WASF1: variants seen among roughly 807,000 people sequenced by gnomAD.
WASF1 encodes WASP family member 1, also known as actin-binding protein WASF1.
In WASF1, 7 loss-of-function variants were observed where a neutral mutation model predicts 50.5. The observed-to-expected ratio is 0.14, with a 90% CI of 0.08 to 0.26. The LOEUF (loss-of-function observed/expected upper bound fraction) is 0.26. WASF1 is among the 10% of genes least tolerant of loss of function. The probability of loss-of-function intolerance (pLI) is 1.00; values close to 1 mark genes in which losing one functional copy is unlikely to be tolerated. For missense variants in WASF1, 470 were observed against 694.7 expected (o/e 0.68, Z 3.64); for synonymous variants, 205 against 244.0 (o/e 0.84, Z 1.49).
intron 6 of WASF1, among the ~76,000 whole-genome samples, chr6:110,107,641 A>G (rs1442709304): frequency 2.0e-5 from 3 of 152,166 alleles, no homozygotes; most frequent in African/African-American, 7.2e-5. Context: ...TAGTCATTCT[A>G]ACAGTCACAT....
chr6:110,161,648 T>G (rs1348083617), intron 2 of WASF1, among the ~76,000 whole-genome samples: 1 of 151,590 alleles, frequency 6.6e-6, no homozygotes, highest in East Asian at 1.9e-4. Flanking sequence ...TTTAAAAAAC[T>G]AAATAGGAAT....
intron 2 of WASF1, among the ~76,000 whole-genome samples, chr6:110,163,414 G>A (rs930992044): frequency 7.9e-5 from 12 of 151,494 alleles, no homozygotes; most frequent in Admixed American, 1.3e-4. Flanking sequence ...GTTCCAGGCT[G>A]TAGACTTCTT....
intron 3 of WASF1, among the ~76,000 whole-genome samples, chr6:110,130,889 G>A (rs905021632): frequency 2.6e-5 from 4 of 152,044 alleles, no homozygotes; most frequent in Non-Finnish European, 5.9e-5. Context: ...AGCTGTTCTT[G>A]AGGGTATGTT....
At chr6:110,152,608 T>C (rs1584008992) in intron 3 of WASF1, among the ~76,000 whole-genome samples, 1 of 152,188 alleles carries the variant, frequency 6.6e-6, no homozygotes, top group Non-Finnish European at 1.5e-5. Flanking sequence ...AAGGTGATTG[T>C]TCCCCAGAGC....
chr6:110,109,417 A>G (rs1187371344), intron 5 of WASF1, among the ~76,000 whole-genome samples: 2 of 152,158 alleles, frequency 1.3e-5, no homozygotes. Flanking sequence ...ACATACAAAA[A>G]TGCTGCATTC....
intron 3 of WASF1, among the ~76,000 whole-genome samples, chr6:110,128,088 G>A (rs748990179): frequency 6.6e-6 from 1 of 152,156 alleles, no homozygotes; most frequent in Non-Finnish European, 1.5e-5. Flanking sequence ...CAGCAATGCA[G>A]AGGGTTGGTG....
At chr6:110,141,250 G>A (rs756908112) in intron 3 of WASF1, among the ~76,000 whole-genome samples, 4 of 152,028 alleles carry the variant, frequency 2.6e-5, no homozygotes, top group Non-Finnish European at 5.9e-5. Context: ...TCAGGATTTA[G>A]CCCACCTCCT....
chr6:110,143,953 T>C (rs1775400937), intron 3 of WASF1, among the ~76,000 whole-genome samples: 1 of 152,176 alleles, frequency 6.6e-6, no homozygotes, highest in African/African-American at 2.4e-5. Context: ...AGCAGCATGA[T>C]TTATAGTCCT....
intron 3 of WASF1, among the ~76,000 whole-genome samples, chr6:110,155,180 T>G (rs910756185): frequency 1.3e-5 from 2 of 152,110 alleles, no homozygotes; most frequent in African/African-American, 4.8e-5. Flanking sequence ...TAGTTCTCCC[T>G]AAGTATCAGG....
rs781237038 is a variant in WASF1, at chr6:110,108,508, C to T, written c.422+20G>A. On this transcript the variant is annotated intron_variant, in intron 6 of 10. Coordinates refer to ENST00000392589, the MANE Select transcript of WASF1 (RefSeq NM_003931.3). ...AAGTCTGAGATAAATAATAGGGCTACTATTTATTAACCTACCTACCTATAA... is the reference window on the plus strand; with the variant it reads ...AAGTCTGAGATAAATAATAGGGCTATTATTTATTAACCTACCTACCTATAA... The T allele has an allele frequency of 6.3e-7, 1 of 1,582,614 alleles. No homozygotes were observed. Among genetic ancestry groups the T allele is most frequent in the Admixed American group, 1.8e-5 (1 of 55,874 alleles).
intron 7 of WASF1, among the ~76,000 whole-genome samples, chr6:110,106,705 C>T (rs1773339704): frequency 6.6e-6 from 1 of 152,192 alleles, no homozygotes; most frequent in Non-Finnish European, 1.5e-5. Context: ...TACAAGATTC[C>T]ATTGCTCCTT....
chr6:110,102,140 G>T lies in WASF1; in HGVS notation c.970C>A (p.Pro324Thr). 6.8e-7 allele frequency: 1 copy of T among 1,481,082 alleles called. No individual in the cohort carries two copies. 91.7% of individuals were successfully genotyped at this position (1,481,082 alleles called of 1,614,324 possible). The change falls in exon 10 of 11, where the codon CCC becomes ACC. Residue 324 changes from proline to threonine, a missense_variant. Physicochemically the swap from Pro to Thr is conservative, Grantham distance 38. Transcript: ENST00000392589. The part of the protein sequence containing the change: ...GRTPVFVSPT[P>T]PPPPPPLPSA... ...GGAAGAGGTGGTGGAGGAGGTGGGG[G>T]AGTGGGGCTCACAAACACAGGTGTT...
chr6:110,115,334 C>G (rs754412628), intron 4 of WASF1, among the ~76,000 whole-genome samples: 1 of 152,066 alleles, frequency 6.6e-6, no homozygotes, highest in Non-Finnish European at 1.5e-5. Flanking sequence ...ATCATCAGAA[C>G]TGCCCTTATC....
At chr6:110,135,810 T>C (rs1484973261) in intron 3 of WASF1, among the ~76,000 whole-genome samples, 1 of 148,256 alleles carries the variant, frequency 6.7e-6, no homozygotes, top group Non-Finnish European at 1.5e-5. Context: ...AGATCAAGTG[T>C]AGTTTTGGTT....
intron 3 of WASF1, among the ~76,000 whole-genome samples, chr6:110,149,320 G>A (rs558573451): frequency 5.3e-5 from 8 of 151,452 alleles, no homozygotes; most frequent in East Asian, 3.9e-4. Context: ...CGCCTACATC[G>A]TTGCCATTCT....
intron 8 of WASF1, 83 bp from the exon 9 acceptor site, chr6:110,103,640 G>A: frequency 8.0e-7 from 1 of 1,246,542 alleles, no homozygotes; most frequent in Admixed American, 2.8e-5. Context: ...AATATTTAAA[G>A]TTTATCCTTT....
intron 3 of WASF1, among the ~76,000 whole-genome samples, chr6:110,147,746 A>G (rs1393928199): frequency 6.6e-6 from 1 of 152,152 alleles, no homozygotes; most frequent in African/African-American, 2.4e-5. Context: ...CAAGGTTATT[A>G]CTGTATTATT....
chr6:110,139,949 G>C (rs1775151944), intron 3 of WASF1, among the ~76,000 whole-genome samples: 1 of 152,142 alleles, frequency 6.6e-6, no homozygotes, highest in South Asian at 2.1e-4. Context: ...AATTGTACTT[G>C]TAATATTATG....
At chr6:110,132,724 A>G (rs1194302331) in intron 3 of WASF1, among the ~76,000 whole-genome samples, 1 of 151,834 alleles carries the variant, frequency 6.6e-6, no homozygotes, top group African/African-American at 2.4e-5. Flanking sequence ...AGTCCATTGT[A>G]TCATTCCTAT....
Sources: gnomAD v4.1 joint callset for allele counts (sites outside exome capture counted in the v4.1 genomes callset) on GRCh38, gnomAD v4.1.1 for gene constraint, MANE v1.5 for transcripts, NCBI Gene and HGNC (gene_info 2026-07-23, HGNC 2026-07-21) for gene names.